Variants in HECW1 observed in about 807,000 individuals in gnomAD.
HECW1 encodes the protein HECT, C2 and WW domain containing E3 ubiquitin protein ligase 1.
A neutral mutation model predicts 182.3 loss-of-function variants in HECW1; 61 were observed. The observed-to-expected ratio is 0.33, with a 90% CI of 0.27 to 0.41. The LOEUF (loss-of-function observed/expected upper bound fraction) is 0.41. HECW1 is among the 10% of genes least tolerant of loss of function. The pLI, the probability that HECW1 is intolerant of heterozygous loss-of-function variation, is 1.00. For missense variants in HECW1, 1,739 were observed against 2,108.9 expected, an observed-to-expected ratio of 0.82 and a Z score of 3.44; for synonymous variants, 859 against 832.6, an observed-to-expected ratio of 1.03 and a Z score of -0.55.
At chr7:43,364,864 T>A (rs1020448011) in intron 6 of HECW1, among the ~76,000 whole-genome samples, 1 of 152,266 alleles carries the variant, frequency 6.6e-6, no homozygotes, top group Non-Finnish European at 1.5e-5. Context: ...CTCCATATTC[T>A]GGCCCTTGCT....
chr7:43,282,489 C>T (rs1354929890), intron 3 of HECW1, among the ~76,000 whole-genome samples: 1 of 152,170 alleles, frequency 6.6e-6, no homozygotes, highest in Non-Finnish European at 1.5e-5. Context: ...GTCTCAAATC[C>T]CACTACATGC....
At chr7:43,207,060 T>G (rs1288652292) in intron 2 of HECW1, among the ~76,000 whole-genome samples, 1 of 152,220 alleles carries the variant, frequency 6.6e-6, no homozygotes, top group Non-Finnish European at 1.5e-5. Flanking sequence ...TATTTTTTTA[T>G]TTTTGAGGCA....
chr7:43,471,040 T>C (rs1215416991), intron 16 of HECW1, among the ~76,000 whole-genome samples: 2 of 152,352 alleles, frequency 1.3e-5, no homozygotes, highest in South Asian at 2.1e-4. Context: ...GCCTTCATGA[T>C]TTTACAACCA....
intron 13 of HECW1, 135 bp from the exon 14 acceptor site, chr7:43,463,525 G>A: frequency 1.3e-6 from 1 of 763,852 alleles, no homozygotes; most frequent in Non-Finnish European, 2.1e-6. Context: ...TGGCTATCTT[G>A]TGGGAATTTT....
intron 2 of HECW1, among the ~76,000 whole-genome samples, chr7:43,218,208 GA>G (rs978821338): frequency 2.6e-5 from 4 of 152,210 alleles, no homozygotes; most frequent in African/African-American, 9.6e-5. Flanking sequence ...TTCAGTGTAA[GA>G]TATATTTAGA....
At chr7:43,489,424 T>C (rs2078845365) in intron 17 of HECW1, among the ~76,000 whole-genome samples, 1 of 152,250 alleles carries the variant, frequency 6.6e-6, no homozygotes, top group Non-Finnish European at 1.5e-5. Flanking sequence ...CTGCATAGTT[T>C]ATTGATCAGC....
chr7:43,209,263 C>T (rs932068914), intron 2 of HECW1, among the ~76,000 whole-genome samples: 1 of 152,162 alleles, frequency 6.6e-6, no homozygotes, highest in Admixed American at 6.5e-5. Flanking sequence ...CGCTGGCCCC[C>T]TGAAGACCCA....
intron 24 of HECW1, among the ~76,000 whole-genome samples, chr7:43,518,330 A>G (rs914590014): frequency 2.6e-5 from 4 of 152,084 alleles, no homozygotes; most frequent in African/African-American, 9.7e-5. Context: ...CCCCATCTCT[A>G]CTAAAAAATA....
At position 43,326,090 on chromosome 7, in the gene HECW1, C is replaced by T. The variant is rs376399595; in HGVS notation, c.460+5348C>T. The stretch of plus-strand genomic sequence containing the variant: ...CTGCTTCTGCTGAGGGCCTGCTCAG[C>T]TTCAAAGACAGTGCCCTCTTGCTGT... On this transcript the variant is annotated intron_variant, in intron 5 of 29. Transcript: ENST00000395891. 9.2e-5 allele frequency among the ~76,000 whole-genome samples: 14 copies of T among 152,152 alleles called. No individual in the cohort carries two copies. The East Asian group carries it at 2.7e-3, about 30-fold the overall frequency.
intron 3 of HECW1, among the ~76,000 whole-genome samples, chr7:43,268,769 G>GTTGT (rs1554335017): frequency 2.1e-5 from 3 of 142,150 alleles, no homozygotes; most frequent in South Asian, 2.4e-4. Flanking sequence ...TGTTGTTGTT[G>GTTGT]TTGTTTGTTT....
At chr7:43,274,529 A>T (rs1280126734) in intron 3 of HECW1, 3 of 581,326 alleles carry the variant, frequency 5.2e-6, no homozygotes, top group East Asian at 7.6e-5. Flanking sequence ...ATCGCAGCCA[A>T]CAAGTGCCGC....
intron 4 of HECW1, among the ~76,000 whole-genome samples, chr7:43,312,635 T>C (rs1277078090): frequency 6.6e-6 from 1 of 152,236 alleles, no homozygotes; most frequent in Non-Finnish European, 1.5e-5. Context: ...AGTTCCAAAG[T>C]TGAAAGTTTA....
chr7:43,429,289 CATATATATATAT>C (rs57627873), intron 8 of HECW1, among the ~76,000 whole-genome samples: 3,585 of 106,472 alleles, frequency 0.034, 64 homozygotes, highest in African/African-American at 0.059. Flanking sequence ...ATATTATATG[CATATATATATAT>C]ATATATATAT....
chr7:43,228,223 C>G (rs898475330), intron 2 of HECW1, among the ~76,000 whole-genome samples: 2 of 151,994 alleles, frequency 1.3e-5, no homozygotes, highest in African/African-American at 2.4e-5. Flanking sequence ...CAGTGGCTCA[C>G]GCCTGTAATC....
chr7:43,468,923 G>A lies in HECW1; in HGVS notation c.2917G>A (p.Ala973Thr). 6.2e-7 allele frequency: 1 copy of A among 1,614,106 alleles called. No individual in the cohort carries two copies. Among genetic ancestry groups the A allele is most frequent in the Non-Finnish European group, 8.5e-7 (1 of 1,179,996 alleles). The change falls in exon 16 of 30, where the codon GCC becomes ACC. Residue 973 changes from alanine (A) to threonine (T), a missense_variant. Around this residue, in one of 5 missense-constraint regions of HECW1, gnomAD observed 971 missense variants for 1,029.1 expected, o/e 0.94. Transcript: ENST00000395891. ...CGTCCGCCCTGACCTGTCTCAGAGT[G>A]CCTACCGAGTCTTCACCAGTAGCAC... ...FFTVLHANYS[A>T]YRVFTSSTCL...
chr7:43,319,393 C>CAAAAAGAAAAAAA (rs1809760725), intron 4 of HECW1, among the ~76,000 whole-genome samples: 1 of 67,698 alleles, frequency 1.5e-5, no homozygotes, highest in African/African-American at 4.1e-5. Context: ...GACTCCGTCT[C>CAAAAAGAAAAAAA]AAAAAAAAAA....
At chr7:43,194,878 G>A (rs1372656336) in intron 2 of HECW1, among the ~76,000 whole-genome samples, 1 of 152,130 alleles carries the variant, frequency 6.6e-6, no homozygotes, top group Non-Finnish European at 1.5e-5. Context: ...ATTTTTAGTA[G>A]AGACAGGGTT....
chr7:43,320,627 G>C lies in HECW1; in HGVS notation c.353-8G>C, dbSNP rs761692824. 3 of 1,588,962 alleles carry C rather than the reference G, an allele frequency of 1.9e-6. No individual in the cohort carries two copies. In the African/African-American group the frequency reaches 4.0e-5, roughly 21 times the overall value. ...TCTCTGCTCTGCTTTCTTCCTCTGG[G>C]AATATAGATGAGGTCTTGTCCGAAA... On this transcript the variant is annotated splice_polypyrimidine_tract_variant and splice_region_variant and intron_variant, in intron 4 of 29. Coordinates refer to ENST00000395891, the MANE Select transcript of HECW1 (RefSeq NM_015052.5).
intron 3 of HECW1, among the ~76,000 whole-genome samples, chr7:43,247,147 A>G (rs549680063): frequency 1.2e-4 from 18 of 152,354 alleles, no homozygotes; most frequent in African/African-American, 4.1e-4. Context: ...TTCAGAGTTT[A>G]GCTCTGTTTT....
Sources: gnomAD v4.1 joint callset for allele counts (sites outside exome capture counted in the v4.1 genomes callset) on GRCh38, gnomAD v4.1.1 for gene constraint, gnomAD v4.1.1 regional missense constraint, MANE v1.5 for transcripts, NCBI Gene and HGNC (gene_info 2026-07-23, HGNC 2026-07-21) for gene names.